Variants in BCAS3 observed in about 807,000 individuals in gnomAD.
The protein encoded by BCAS3 is BCAS3 microtubule associated cell migration factor.
Under a neutral mutation model 116.1 loss-of-function variants are expected in BCAS3, and 53 were observed. The ratio of observed to expected loss-of-function variants is 0.46; its 90% CI spans 0.37 to 0.57. The LOEUF is 0.57. Ranked by LOEUF, BCAS3 falls within the 20% of genes least tolerant of loss-of-function variation. The probability of loss-of-function intolerance (pLI) is 0.00; values close to 1 mark genes in which losing one functional copy is unlikely to be tolerated. For synonymous variants in BCAS3, 391 were observed against 408.2 expected (o/e 0.96, Z 0.51); for missense variants, 917 against 1,165.4 (o/e 0.79, Z 3.10).
intron 22 of BCAS3, among the ~76,000 whole-genome samples, chr17:61,306,807 A>G (rs1416303474): frequency 1.3e-5 from 2 of 152,230 alleles, no homozygotes; most frequent in Non-Finnish European, 2.9e-5. Flanking sequence ...AGAAAAAAAA[A>G]CAAAGCTCTT....
At chr17:61,271,152 G>A (rs1293526770) in intron 22 of BCAS3, among the ~76,000 whole-genome samples, 2 of 139,696 alleles carry the variant, frequency 1.4e-5, no homozygotes, top group Non-Finnish European at 3.1e-5. Flanking sequence ...TTTTGAAATG[G>A]AGTCTCGCTC....
At chr17:61,015,154 T>G (rs1249502751) in intron 15 of BCAS3, among the ~76,000 whole-genome samples, 1 of 152,196 alleles carries the variant, frequency 6.6e-6, no homozygotes, top group East Asian at 1.9e-4. Context: ...TAGCAGATTG[T>G]GTTGGATGTA....
intron 18 of BCAS3, 44 bp downstream of exon 18, chr17:61,038,098 G>A: frequency 1.3e-6 from 2 of 1,543,304 alleles, no homozygotes; most frequent in Non-Finnish European, 1.8e-6. Flanking sequence ...CTTCATTAAG[G>A]TATAGAAGAT....
At position 61,348,578 on chromosome 17, in the gene BCAS3, G is replaced by A. The variant is rs1424738881; in HGVS notation, c.2426-19749G>A. On this transcript the variant is annotated intron_variant, in intron 22 of 23. Coordinates refer to ENST00000407086, the MANE Select transcript of BCAS3 (RefSeq NM_017679.5). The surrounding 1 kb of genome is among the most constrained non-coding windows in gnomAD (Gnocchi z 4.5). ...GAGGCCTTGGGAGAGACTTGGGAGC[G>A]GTCAGAGAGGGAAGAGGAAAACTGA... Among the ~76,000 whole-genome samples, 2 of 151,996 alleles carry A rather than the reference G, an allele frequency of 1.3e-5. No individual in the cohort carries two copies. The highest frequency in any genetic ancestry group is 2.1e-4 in the South Asian group (1 of 4,816).
intron 22 of BCAS3, among the ~76,000 whole-genome samples, chr17:61,173,591 C>T (rs2078980001): frequency 6.6e-6 from 1 of 152,006 alleles, no homozygotes; most frequent in Admixed American, 6.6e-5. Context: ...AATCAGTGGC[C>T]TCACCTCTCA....
At chr17:61,159,677 G>T (rs529303842) in intron 22 of BCAS3, among the ~76,000 whole-genome samples, 122 of 152,326 alleles carry the variant, frequency 8.0e-4, no homozygotes, top group African/African-American at 2.6e-3. Context: ...TGGAGAGGCA[G>T]ACCCTTTGTC....
intron 6 of BCAS3, among the ~76,000 whole-genome samples, chr17:60,754,139 G>T (rs11650490): frequency 0.73 from 109,873 of 151,532 alleles, 45,513 homozygotes; most frequent in South Asian, 0.98. Context: ...GGGCTCAAGT[G>T]ATCCTCCTGC....
intron 22 of BCAS3, among the ~76,000 whole-genome samples, chr17:61,299,207 G>T (rs1156936661): frequency 3.3e-5 from 5 of 151,854 alleles, no homozygotes; most frequent in Admixed American, 6.5e-5. Context: ...ACTTTGGGAG[G>T]CTGCGGCAGG....
chr17:60,886,987 C>G (rs1483248454), intron 9 of BCAS3: 1 of 156,314 alleles, frequency 6.4e-6, no homozygotes, highest in Non-Finnish European at 1.4e-5. Flanking sequence ...TTGGAGCTTC[C>G]CGGCTGCTTT....
chr17:61,304,757 CTT>C (rs67145055), intron 22 of BCAS3, among the ~76,000 whole-genome samples: 7 of 144,532 alleles, frequency 4.8e-5, no homozygotes, highest in Admixed American at 7.0e-5. Context: ...CTTCCCAATC[CTT>C]TTTTTTTTTT....
chr17:61,260,133 CCT>C (rs1179613419), intron 22 of BCAS3, among the ~76,000 whole-genome samples: 2 of 152,124 alleles, frequency 1.3e-5, no homozygotes, highest in African/African-American at 4.8e-5. Flanking sequence ...ACTTCAAAGC[CCT>C]GTTTCCACTT....
intron 19 of BCAS3, among the ~76,000 whole-genome samples, chr17:61,059,388 C>T (rs1053275612): frequency 6.6e-6 from 1 of 151,846 alleles, no homozygotes; most frequent in Non-Finnish European, 1.5e-5. Context: ...GGCCTCTCCC[C>T]GTCTTTAAAA....
intron 6 of BCAS3, among the ~76,000 whole-genome samples, chr17:60,752,383 G>A (rs2042556777): frequency 6.6e-6 from 1 of 151,264 alleles, no homozygotes; most frequent in Admixed American, 6.6e-5. Context: ...TTTTTTTTAA[G>A]GGTAACTCCT....
At chr17:60,891,746 A>G (rs1426674317) in intron 10 of BCAS3, 9 of 455,872 alleles carry the variant, frequency 2.0e-5, no homozygotes, top group Non-Finnish European at 4.0e-5. Flanking sequence ...TAGTGTATCC[A>G]TCATCCAGAT....
At chr17:60,740,105 T>A (rs770815952) in intron 5 of BCAS3, among the ~76,000 whole-genome samples, 8 of 152,140 alleles carry the variant, frequency 5.3e-5, no homozygotes, top group Non-Finnish European at 8.8e-5. Flanking sequence ...CATGCTGTTT[T>A]CTGAGCTTAC....
Position 61,272,381 on chromosome 17 carries a change from C to T in BCAS3, c.2426-95946C>T, listed in dbSNP as rs150142709. Among the ~76,000 whole-genome samples, 1,512 of 151,954 alleles carry T rather than the reference C, an allele frequency of 1.0e-2. 11 individuals carry two copies. The highest frequency in any genetic ancestry group is 0.016 in the Non-Finnish European group (1,082 of 67,966). The stretch of plus-strand genomic sequence containing the variant: ...GGCACAGAGGCTCATGCCTGTAATC[C>T]CAGCACTTTGGGAGGCTGAGGCGGG... On this transcript the variant is annotated intron_variant, in intron 22 of 23. Transcript: ENST00000407086.
At chr17:61,042,897 A>AG (rs1377195643) in intron 19 of BCAS3, among the ~76,000 whole-genome samples, 1 of 142,158 alleles carries the variant, frequency 7.0e-6, no homozygotes, top group Non-Finnish European at 1.5e-5. Context: ...CTCACAAAAA[A>AG]AAAAAAAAAA....
At chr17:61,005,058 A>G (rs1301747799) in intron 15 of BCAS3, among the ~76,000 whole-genome samples, 1 of 152,132 alleles carries the variant, frequency 6.6e-6, no homozygotes, top group Non-Finnish European at 1.5e-5. Flanking sequence ...TGATTAGGAA[A>G]GTGTTTCGGC....
intron 19 of BCAS3, among the ~76,000 whole-genome samples, chr17:61,045,334 C>T (rs1357931526): frequency 6.6e-6 from 1 of 151,430 alleles, no homozygotes; most frequent in Non-Finnish European, 1.5e-5. Context: ...CATAGAGAGA[C>T]CCTGTCTCTA....
Sources: gnomAD v4.1 joint callset for allele counts (sites outside exome capture counted in the v4.1 genomes callset) on GRCh38, gnomAD v4.1.1 for gene constraint, Gnocchi (gnomAD v3.1) non-coding constraint, MANE v1.5 for transcripts, NCBI Gene and HGNC (gene_info 2026-07-23, HGNC 2026-07-21) for gene names.